PDE3B: variants seen among roughly 807,000 people sequenced by gnomAD.
PDE3B encodes the protein cGMP-inhibited 3',5'-cyclic phosphodiesterase 3B.
In PDE3B, 66 loss-of-function variants were observed where a neutral mutation model predicts 116.8. The observed-to-expected ratio is 0.56, with a 90% CI of 0.46 to 0.69. The LOEUF (loss-of-function observed/expected upper bound fraction) is 0.69, where lower values mean the gene tolerates loss of function less well. Ranked by LOEUF, PDE3B falls within the 30% of genes least tolerant of loss-of-function variation. The pLI is 0.00. For synonymous variants in PDE3B, 595 were observed against 533.6 expected, an observed-to-expected ratio of 1.12 and a Z score of -1.59; for missense variants, 1,384 against 1,368.1, an observed-to-expected ratio of 1.01 and a Z score of -0.18.
intron 11 of PDE3B, among the ~76,000 whole-genome samples, chr11:14,837,594 A>G (rs1860093078): frequency 6.6e-6 from 1 of 152,210 alleles, no homozygotes; most frequent in South Asian, 2.1e-4. Context: ...AATGACCTTA[A>G]TGACCATTTT....
chr11:14,702,701 C>A (rs988289666), intron 1 of PDE3B, among the ~76,000 whole-genome samples: 1 of 151,772 alleles, frequency 6.6e-6, no homozygotes, highest in Non-Finnish European at 1.5e-5. Context: ...GCATTCACAC[C>A]AGCCACACTT....
chr11:14,716,226 G>A (rs1855884899), intron 1 of PDE3B, among the ~76,000 whole-genome samples: 1 of 152,204 alleles, frequency 6.6e-6, no homozygotes. Flanking sequence ...TTAAAAAACG[G>A]CGCACCACGA....
chr11:14,880,036 G>A, the PDE3B span: 3 of 1,183,854 alleles, frequency 2.5e-6, no homozygotes. Flanking sequence ...GGCATCGCAG[G>A]AGTTCCTAAA....
intron 2 of PDE3B, chr11:14,774,284 G>A (rs573567582): frequency 1.3e-5 from 2 of 152,270 alleles, no homozygotes; most frequent in South Asian, 4.1e-4. Flanking sequence ...AATTAGGCAA[G>A]CCTCTTAAGA....
chr11:14,771,215 G>A (rs1177977282), intron 1 of PDE3B, among the ~76,000 whole-genome samples: 2 of 151,652 alleles, frequency 1.3e-5, no homozygotes, highest in East Asian at 3.9e-4. Context: ...ATTTAACTCA[G>A]TAAATGTCAA....
chr11:14,841,808 G>T (rs1293383846), intron 11 of PDE3B, among the ~76,000 whole-genome samples: 2 of 115,526 alleles, frequency 1.7e-5, no homozygotes, highest in Non-Finnish European at 3.6e-5. Flanking sequence ...GGGATTATAG[G>T]CATGAGCCAC....
chr11:14,832,516 T>C (rs1435519243), intron 9 of PDE3B, among the ~76,000 whole-genome samples: 1 of 152,190 alleles, frequency 6.6e-6, no homozygotes, highest in African/African-American at 2.4e-5. Flanking sequence ...ATGGTAAGCC[T>C]TCTTTAATTT....
intron 1 of PDE3B, among the ~76,000 whole-genome samples, chr11:14,710,289 T>G (rs1487429644): frequency 6.6e-6 from 1 of 152,172 alleles, no homozygotes; most frequent in Non-Finnish European, 1.5e-5. Flanking sequence ...GCTGAATAGA[T>G]GATTTATTTT....
intron 2 of PDE3B, among the ~76,000 whole-genome samples, chr11:14,785,728 T>A (rs1590143266): frequency 6.6e-6 from 1 of 152,180 alleles, no homozygotes; most frequent in South Asian, 2.1e-4. Flanking sequence ...TTTCTACCAA[T>A]TTTTTAAGGC....
At chr11:14,713,831 C>G (rs531234747) in intron 1 of PDE3B, among the ~76,000 whole-genome samples, 4 of 152,080 alleles carry the variant, frequency 2.6e-5, no homozygotes, top group Admixed American at 6.5e-5. Flanking sequence ...AGAGGCTAAA[C>G]TATCGTATAA....
At chr11:14,857,698 G>A (rs576187530) in intron 12 of PDE3B, among the ~76,000 whole-genome samples, 145 of 152,274 alleles carry the variant, frequency 9.5e-4, no homozygotes, top group African/African-American at 2.5e-3. Flanking sequence ...TTTGAATGGT[G>A]AAAGAATTCC....
chr11:14,705,366 T>C (rs969812203), intron 1 of PDE3B, among the ~76,000 whole-genome samples: 11 of 151,774 alleles, frequency 7.2e-5, no homozygotes, highest in African/African-American at 2.7e-4. Context: ...AACAAAAACA[T>C]GACGCTAAAT....
At chr11:14,811,213 T>C (rs1366966531) in intron 5 of PDE3B, among the ~76,000 whole-genome samples, 1 of 152,094 alleles carries the variant, frequency 6.6e-6, no homozygotes, top group Non-Finnish European at 1.5e-5. Context: ...TTGCCATTGC[T>C]TTTGGTGTTT....
the PDE3B span, among the ~76,000 whole-genome samples, chr11:14,896,105 C>G: frequency 6.6e-6 from 1 of 152,224 alleles, no homozygotes; most frequent in African/African-American, 2.4e-5. Flanking sequence ...ACTCAGCCAA[C>G]CAATCCTTGC....
At chr11:14,785,510 A>G (rs1020726932) in intron 2 of PDE3B, among the ~76,000 whole-genome samples, 7 of 152,114 alleles carry the variant, frequency 4.6e-5, no homozygotes, top group African/African-American at 1.2e-4. Context: ...AATTTGAATA[A>G]TTATTAATTG....
chr11:14,843,774 G>A (rs1000244964), intron 11 of PDE3B, 53 bp from the exon 12 acceptor site: 5 of 1,405,288 alleles, frequency 3.6e-6, no homozygotes, highest in Admixed American at 1.7e-5. Flanking sequence ...TAGCAAAATT[G>A]TGAGGAATTT....
At chr11:14,791,699 C>G (rs1192170981) in intron 4 of PDE3B, among the ~76,000 whole-genome samples, 1 of 152,086 alleles carries the variant, frequency 6.6e-6, no homozygotes, top group Non-Finnish European at 1.5e-5. Context: ...TAATCTTCCA[C>G]CTTACACTAG....
chr11:14,899,181 C>A, the PDE3B span, among the ~76,000 whole-genome samples: 1 of 152,190 alleles, frequency 6.6e-6, no homozygotes, highest in African/African-American at 2.4e-5. Flanking sequence ...TGCCAATTAC[C>A]TTTCCACATG....
intron 12 of PDE3B, among the ~76,000 whole-genome samples, chr11:14,854,077 C>T (rs1555005735): frequency 2.0e-5 from 3 of 152,132 alleles, no homozygotes; most frequent in Non-Finnish European, 4.4e-5. Context: ...GTATTATCAC[C>T]AGCAGATAAA....
Sources: allele counts gnomAD v4.1 joint callset (sites outside exome capture counted in the v4.1 genomes callset), GRCh38; gene constraint gnomAD v4.1.1; transcripts MANE v1.5; gene names NCBI Gene and HGNC (gene_info 2026-07-23, HGNC 2026-07-21).